RIMBP2: variants seen among roughly 807,000 people sequenced by gnomAD.
RIMBP2 encodes RIMS-binding protein 2.
In RIMBP2, 48 loss-of-function variants were observed where a neutral mutation model predicts 118.6. The ratio of observed to expected loss-of-function variants is 0.40; its 90% CI spans 0.32 to 0.51. RIMBP2 has a LOEUF of 0.51. RIMBP2 is among the 20% of genes least tolerant of loss of function. RIMBP2 has a pLI of 0.41. For synonymous variants in RIMBP2, 762 were observed against 742.9 expected (o/e 1.03, Z -0.42); for missense variants, 1,551 against 1,768.3 (o/e 0.88, Z 2.20).
intron 4 of RIMBP2, among the ~76,000 whole-genome samples, chr12:130,486,075 C>A (rs2082446645): frequency 6.6e-6 from 1 of 152,144 alleles, no homozygotes; most frequent in African/African-American, 2.4e-5. Context: ...TCATCCCCCT[C>A]CAGCCACTGC....
At chr12:130,421,364 A>T (rs1047654567) in intron 17 of RIMBP2, among the ~76,000 whole-genome samples, 1 of 152,208 alleles carries the variant, frequency 6.6e-6, no homozygotes, top group Non-Finnish European at 1.5e-5. Context: ...TTAACATTGC[A>T]TGAAATTTTT....
rs559589711 is a variant in RIMBP2 at position 130,516,733 on chromosome 12, C to T, written c.-127+1095G>A. On this transcript the variant is annotated intron_variant, in intron 3 of 22. Coordinates refer to ENST00000690449, the MANE Select transcript of RIMBP2 (RefSeq NM_001393629.1). ...GGAACAAAAGTAAGTCAGAGGTGGA[C>T]GAGAGGTAGCAAGATGGACAGGATG... 5.3e-5 allele frequency among the ~76,000 whole-genome samples: 8 copies of T among 152,150 alleles called. 1 individual carries two copies. Among genetic ancestry groups the T allele is most frequent in the East Asian group, 3.9e-4 (2 of 5,172 alleles).
At chr12:130,656,795 G>A (rs953634785) in intron 1 of RIMBP2, among the ~76,000 whole-genome samples, 1 of 152,060 alleles carries the variant, frequency 6.6e-6, no homozygotes. Flanking sequence ...TGTGGTCCCA[G>A]CTACTTGGGA....
intron 2 of RIMBP2, among the ~76,000 whole-genome samples, chr12:130,557,359 G>A (rs2056450258): frequency 6.6e-6 from 1 of 152,206 alleles, no homozygotes; most frequent in Admixed American, 6.5e-5. Flanking sequence ...TAAGCTGCCA[G>A]TTGCTCCAGC....
At chr12:130,407,877 A>G (rs2075323556) in intron 19 of RIMBP2, 48 bp from the exon 20 acceptor site, 1 of 1,542,510 alleles carries the variant, frequency 6.5e-7, no homozygotes, top group Non-Finnish European at 9.0e-7. Context: ...GGTTATTTCA[A>G]ACTTAGCGGT....
intron 19 of RIMBP2, among the ~76,000 whole-genome samples, chr12:130,410,573 A>G (rs1565991070): frequency 2.0e-5 from 3 of 152,192 alleles, no homozygotes; most frequent in Non-Finnish European, 2.9e-5. Context: ...TCATTTTGGC[A>G]TATGGATGTG....
At chr12:130,500,318 C>T (rs1593542511) in intron 4 of RIMBP2, among the ~76,000 whole-genome samples, 1 of 152,098 alleles carries the variant, frequency 6.6e-6, no homozygotes, top group African/African-American at 2.4e-5. Context: ...ATTAGCTGGG[C>T]GTGGTGGCAG....
intron 4 of RIMBP2, among the ~76,000 whole-genome samples, chr12:130,499,713 C>T (rs932745768): frequency 5.9e-5 from 9 of 152,186 alleles, no homozygotes; most frequent in African/African-American, 1.7e-4. Context: ...GACTCACCCA[C>T]AGTGAGGTCT....
At chr12:130,649,322 C>T (rs959768601) in intron 1 of RIMBP2, among the ~76,000 whole-genome samples, 4 of 109,440 alleles carry the variant, frequency 3.7e-5, no homozygotes, top group Admixed American at 9.2e-5. Flanking sequence ...GAGGCCGCTC[C>T]GCTCCATGCA....
Position 130,424,422 on chromosome 12 carries a change from C to T in RIMBP2, c.2849G>A (p.Cys950Tyr), listed in dbSNP as rs2076631663. 8.1e-7 allele frequency: 1 copy of T among 1,232,770 alleles called. No homozygotes were observed. The highest frequency in any genetic ancestry group is 1.5e-5 in the African/African-American group (1 of 64,526). The allele number at this position is 1,232,770 out of a possible 1,614,324, so 76.4% of individuals were successfully genotyped here. ...CAGCAGCGGCCTCGGGCCCCTCCTG[C>T]AGGGACAGTGACCAGGGCCTGGGCT... ...ACSPGPGHCP[C>Y]RRGPRPLLAR... Residue 950 changes from cysteine to tyrosine, a missense_variant, in exon 16 of 23, where the codon TGC (cysteine) becomes TAC (tyrosine). Coordinates refer to ENST00000690449, the MANE Select transcript of RIMBP2 (RefSeq NM_001393629.1). The surrounding 1 kb of genome is among the most constrained non-coding windows in gnomAD (Gnocchi z 9.8).
At chr12:130,587,916 C>G (rs10734977) in intron 2 of RIMBP2, among the ~76,000 whole-genome samples, 12 of 151,330 alleles carry the variant, frequency 7.9e-5, no homozygotes, top group African/African-American at 2.9e-4. Context: ...TGCTGCCCCC[C>G]ACACACTGTT....
In RIMBP2 at chr12:130,407,833, T is replaced by C. The variant is rs764281869; in HGVS notation, c.3590-4A>G. ...CTGCCACTTCTCCTGCTTCTCTCTG[T>C]TCAGATCACAAGGGGGAAAGAAATC... On this transcript the variant is annotated splice_region_variant and splice_polypyrimidine_tract_variant and intron_variant, in intron 19 of 22. Transcript: ENST00000690449. The C allele has an allele frequency of 6.2e-7, 1 of 1,612,464 alleles. No homozygotes were observed. Among genetic ancestry groups the C allele is most frequent in the East Asian group, 2.2e-5 (1 of 44,868 alleles).
At chr12:130,499,012 C>T (rs2049475847) in intron 4 of RIMBP2, among the ~76,000 whole-genome samples, 1 of 152,228 alleles carries the variant, frequency 6.6e-6, no homozygotes, top group Admixed American at 6.5e-5. Flanking sequence ...CACAGTTCCT[C>T]AAGCTGTACA....
intron 2 of RIMBP2, among the ~76,000 whole-genome samples, chr12:130,530,633 T>C (rs1472914276): frequency 1.3e-5 from 2 of 152,170 alleles, no homozygotes; most frequent in Non-Finnish European, 2.9e-5. Flanking sequence ...TATAACTTTA[T>C]TAACATGAAG....
At chr12:130,460,319 C>T (rs1179923047) in intron 6 of RIMBP2, among the ~76,000 whole-genome samples, 2 of 152,138 alleles carry the variant, frequency 1.3e-5, no homozygotes, top group Non-Finnish European at 2.9e-5. Context: ...AGCAGCAAAG[C>T]GGCGCTCGCA....
In RIMBP2 at chr12:130,424,556, C is replaced by T. The variant is rs1326601718; in HGVS notation, c.2715G>A (p.Arg905=). The T allele has an allele frequency of 9.7e-6, 12 of 1,231,854 alleles. No individual in the cohort carries two copies. Among genetic ancestry groups the T allele is most frequent in the African/African-American group, 1.6e-5 (1 of 64,390 alleles). 76.3% of individuals were successfully genotyped at this position (1,231,854 alleles called of 1,614,324 possible). A position where few individuals can be genotyped will look rare whatever the true frequency, so the allele number is the denominator to read the frequency against. The change falls in exon 16 of 23, where the codon AGG becomes AGA. Residue 905 remains arginine (R), a synonymous_variant. Coordinates refer to ENST00000690449, the MANE Select transcript of RIMBP2 (RefSeq NM_001393629.1). This position sits in a 1 kb window ranked among gnomAD's most constrained non-coding sequence, Gnocchi z 9.8. ...TGGCCGAGCGGCTGAACCGACAGCC[C>T]CTGTCTTCCAGAAGGAAGTCCTCCA... ...PHVEDFLLED[R]GCRFSRSATR...
intron 2 of RIMBP2, among the ~76,000 whole-genome samples, chr12:130,570,052 C>T (rs551309675): frequency 3.9e-5 from 6 of 152,170 alleles, no homozygotes; most frequent in East Asian, 3.9e-4. Context: ...TGATTATTTC[C>T]GAAATACCAA....
At chr12:130,521,671 C>T (rs1208468344) in intron 2 of RIMBP2, among the ~76,000 whole-genome samples, 2 of 152,168 alleles carry the variant, frequency 1.3e-5, no homozygotes, top group Non-Finnish European at 2.9e-5. Context: ...GACAGGAAGC[C>T]CATGACTCCC....
intron 2 of RIMBP2, among the ~76,000 whole-genome samples, chr12:130,592,809 T>C (rs1478645445): frequency 6.6e-6 from 1 of 151,950 alleles, no homozygotes; most frequent in Admixed American, 6.6e-5. Context: ...AGCACGTGGA[T>C]TTGTTTCCCA....
Sources: allele counts gnomAD v4.1 joint callset (sites outside exome capture counted in the v4.1 genomes callset), GRCh38; gene constraint gnomAD v4.1.1; non-coding constraint Gnocchi (gnomAD v3.1); transcripts MANE v1.5; gene names NCBI Gene and HGNC (gene_info 2026-07-23, HGNC 2026-07-21).